The following KIF26B variants were observed in gnomAD, a reference collection of about 807,000 sequenced individuals.
The protein encoded by KIF26B is kinesin family member 26B, also known as kinesin-like protein KIF26B.
A neutral mutation model predicts 151.2 loss-of-function variants in KIF26B; 63 were observed. The ratio of observed to expected loss-of-function variants is 0.42; its 90% CI spans 0.34 to 0.51. KIF26B has a LOEUF of 0.51. KIF26B is among the 20% of genes least tolerant of loss of function. KIF26B has a pLI of 0.07. For synonymous variants in KIF26B, 1,357 were observed against 1,262.1 expected (o/e 1.08, Z -1.59); for missense variants, 2,813 against 2,913.6 (o/e 0.97, Z 0.79).
intron 4 of KIF26B, among the ~76,000 whole-genome samples, chr1:245,527,524 C>CTTTTTTTTTTT (rs548422038): frequency 0.031 from 1,563 of 50,720 alleles, 502 homozygotes; most frequent in Non-Finnish European, 0.036. Context: ...TTTGGGATGG[C>CTTTTTTTTTTT]TTTTTTTTTT....
At position 245,168,103 on chromosome 1, in the gene KIF26B, C is replaced by A. The variant is rs528480698; in HGVS notation, c.465+11420C>A. On this transcript the variant is annotated intron_variant, in intron 2 of 14. Transcript: ENST00000407071. The stretch of plus-strand genomic sequence containing the variant: ...ATCTAAGAGCATGGTAGTCGGTGGG[C>A]TCTAAGCTTCTCCCAAGCCTGTGAG... Among the ~76,000 whole-genome samples, 15 of 152,288 alleles carry A rather than the reference C, an allele frequency of 9.8e-5. No homozygotes were observed. In the South Asian group the frequency reaches 2.9e-3, roughly 30 times the overall value.
chr1:245,592,889 A>T (rs1172332429), intron 5 of KIF26B, among the ~76,000 whole-genome samples: 1 of 152,154 alleles, frequency 6.6e-6, no homozygotes, highest in Non-Finnish European at 1.5e-5. Context: ...CTATGGGTTG[A>T]TGGAGCAATG....
chr1:245,286,559 A>G (rs1301946148), intron 2 of KIF26B, among the ~76,000 whole-genome samples: 1 of 151,900 alleles, frequency 6.6e-6, no homozygotes, highest in African/African-American at 2.4e-5. Flanking sequence ...AAACAATAAA[A>G]CGTGTCAAAC....
At chr1:245,419,196 T>C (rs370472304) in intron 3 of KIF26B, among the ~76,000 whole-genome samples, 24 of 152,278 alleles carry the variant, frequency 1.6e-4, no homozygotes, top group African/African-American at 5.8e-4. Flanking sequence ...GCCCCACTGC[T>C]CCATTTCAGA....
At chr1:245,341,346 T>C (rs956168416) in intron 2 of KIF26B, among the ~76,000 whole-genome samples, 1 of 141,114 alleles carries the variant, frequency 7.1e-6, no homozygotes, top group Non-Finnish European at 1.5e-5. Context: ...TTTGAGACAC[T>C]GTCTTGCTTT....
intron 2 of KIF26B, among the ~76,000 whole-genome samples, chr1:245,354,979 GGC>G (rs1672657072): frequency 6.6e-6 from 1 of 152,164 alleles, no homozygotes; most frequent in Non-Finnish European, 1.5e-5. Flanking sequence ...AGAGTGCACT[GGC>G]GCGATCTCGG....
intron 10 of KIF26B, among the ~76,000 whole-genome samples, chr1:245,680,832 G>A (rs931560098): frequency 6.6e-5 from 10 of 152,192 alleles, no homozygotes; most frequent in African/African-American, 1.7e-4. Context: ...CGCGTTCCCC[G>A]CCGAGGTGGA....
chr1:245,355,411 CA>C (rs1244196501), intron 2 of KIF26B, among the ~76,000 whole-genome samples: 15 of 151,976 alleles, frequency 9.9e-5, no homozygotes, highest in Non-Finnish European at 2.9e-5. Flanking sequence ...GCCTGGGCAA[CA>C]TGGCGAAACT....
chr1:245,167,863 G>A lies in KIF26B; in HGVS notation c.465+11180G>A, dbSNP rs189018815. ...AGGAGGATAGAAAGGAGAGGAATAA[G>A]AGGGGAGGAGGAGGAGGACGGATGA... On this transcript the variant is annotated intron_variant, in intron 2 of 14. Transcript: ENST00000407071. This position sits in a 1 kb window ranked among gnomAD's most constrained non-coding sequence, Gnocchi z 4.2. 2.6e-4 allele frequency among the ~76,000 whole-genome samples: 40 copies of A among 152,216 alleles called. No homozygotes were observed. Among genetic ancestry groups the A allele is most frequent in the African/African-American group, 8.7e-4 (36 of 41,534 alleles).
At chr1:245,436,890 C>CT (rs539810099) in intron 4 of KIF26B, among the ~76,000 whole-genome samples, 16,916 of 122,244 alleles carry the variant, frequency 0.14, 1,716 homozygotes, top group African/African-American at 0.19. Context: ...TTCTCCCTCT[C>CT]TTTTTTTTTT....
At chr1:245,441,597 C>T (rs371121339) in intron 4 of KIF26B, among the ~76,000 whole-genome samples, 17 of 151,974 alleles carry the variant, frequency 1.1e-4, no homozygotes, top group African/African-American at 3.6e-4. Context: ...CCGACAGTAA[C>T]GAGCAACGCA....
chr1:245,362,735 A>T (rs1010589880), intron 2 of KIF26B, among the ~76,000 whole-genome samples: 3 of 152,144 alleles, frequency 2.0e-5, no homozygotes, highest in African/African-American at 7.2e-5. Context: ...CAGCCTCCCA[A>T]AGTGCTGGGA....
Position 245,561,895 on chromosome 1 carries a change from G to A in KIF26B, c.1350+20945G>A, listed in dbSNP as rs372130523. On this transcript the variant is annotated intron_variant, in intron 5 of 14. Transcript: ENST00000407071. ...TCTCACTACTGACGTAAATGTCAGA[G>A]GTGGTCCTGCCTCTTCTCAGTCTCC... Among the ~76,000 whole-genome samples, 109 of 152,326 alleles carry A rather than the reference G, an allele frequency of 7.2e-4. 2 individuals are homozygous for A. In the South Asian group the frequency reaches 0.018, roughly 25 times the overall value.
intron 4 of KIF26B, among the ~76,000 whole-genome samples, chr1:245,441,606 C>G (rs937533493): frequency 1.3e-5 from 2 of 152,060 alleles, no homozygotes; most frequent in African/African-American, 2.4e-5. Context: ...ACGAGCAACG[C>G]AGACCCCGGG....
Position 245,687,597 on chromosome 1 carries a change from C to A in KIF26B, c.4614C>A (p.Pro1538=). 1.9e-6 allele frequency: 3 copies of A among 1,563,600 alleles called. No individual in the cohort carries two copies. Among genetic ancestry groups the A allele is most frequent in the Admixed American group, 1.9e-5 (1 of 52,578 alleles). Residue 1538 remains proline (P), a synonymous_variant, in exon 12 of 15, where the codon CCC becomes CCA. Transcript: ENST00000407071. This position sits in a 1 kb window ranked among gnomAD's most constrained non-coding sequence, Gnocchi z 4.9. ...AAAGCGTCAAGTCCAGCAGCCTTCC[C>A]AGGGCCTTTCAGAAGGCCAGCCGGC... is the stretch of plus-strand genomic sequence containing the variant. The part of the protein sequence containing the change: ...PNKSVKSSSL[P]RAFQKASRQE...
At chr1:245,541,936 C>T (rs1165235558) in intron 5 of KIF26B, among the ~76,000 whole-genome samples, 5 of 152,246 alleles carry the variant, frequency 3.3e-5, no homozygotes. Context: ...ACCCTCTCTT[C>T]TTTTCACCTT....
intron 2 of KIF26B, among the ~76,000 whole-genome samples, chr1:245,253,284 C>T (rs541314697): frequency 6.6e-6 from 1 of 152,184 alleles, no homozygotes; most frequent in South Asian, 2.1e-4. Flanking sequence ...GCTGGGATTA[C>T]AGGTGTGAGC....
intron 2 of KIF26B, among the ~76,000 whole-genome samples, chr1:245,278,460 C>T (rs769243769): frequency 6.6e-6 from 1 of 152,164 alleles, no homozygotes; most frequent in African/African-American, 2.4e-5. Flanking sequence ...CGGCCTAAAT[C>T]GATAGCCTTG....
intron 4 of KIF26B, among the ~76,000 whole-genome samples, chr1:245,446,528 C>T (rs960331984): frequency 6.6e-6 from 1 of 152,138 alleles, no homozygotes; most frequent in African/African-American, 2.4e-5. Context: ...CTCAGGAAGG[C>T]ATCGTGTCTG....
Sources: allele counts gnomAD v4.1 joint callset (sites outside exome capture counted in the v4.1 genomes callset), GRCh38; gene constraint gnomAD v4.1.1; non-coding constraint Gnocchi (gnomAD v3.1); transcripts MANE v1.5; gene names NCBI Gene and HGNC (gene_info 2026-07-23, HGNC 2026-07-21).